The following TBC1D25 variants were observed in gnomAD, a reference collection of about 807,000 sequenced individuals.
TBC1D25 encodes TBC1 domain family member 25, also known as 5SN3 snoRNA.
Under a neutral mutation model 38.8 loss-of-function variants are expected in TBC1D25, and 13 were observed. That is an observed-to-expected ratio of 0.34 (90% CI 0.22 to 0.53). TBC1D25 has a LOEUF of 0.53. Ranked by LOEUF, TBC1D25 falls within the 20% of genes least tolerant of loss-of-function variation. The probability of loss-of-function intolerance (pLI) is 0.94; values close to 1 mark genes in which losing one functional copy is unlikely to be tolerated. For missense variants in TBC1D25, 372 were observed against 600.0 expected, an observed-to-expected ratio of 0.62 and a Z score of 3.97; for synonymous variants, 225 against 255.6, an observed-to-expected ratio of 0.88 and a Z score of 1.14.
At chrX:48,544,410 C>T (rs2061866866) in intron 2 of TBC1D25, among the ~76,000 whole-genome samples, 1 of 108,503 alleles carries the variant, frequency 9.2e-6, no homozygotes, top group African/African-American at 3.4e-5. Flanking sequence ...CTCCACCTCC[C>T]AGGTTCAAGC....
chrX:48,547,815 G>A (rs901930189), intron 3 of TBC1D25, among the ~76,000 whole-genome samples: 1 of 108,922 alleles, frequency 9.2e-6, no homozygotes, highest in African/African-American at 3.3e-5. Flanking sequence ...GTAGGCGCCT[G>A]TAATCCCAGC....
At chrX:48,540,188 G>T (rs1286745945) in intron 1 of TBC1D25, among the ~76,000 whole-genome samples, 2 of 110,094 alleles carry the variant, frequency 1.8e-5, no homozygotes, top group Non-Finnish European at 3.8e-5. Context: ...AAGGGGAGGG[G>T]CTATGGGGCT....
intron 3 of TBC1D25, among the ~76,000 whole-genome samples, chrX:48,554,473 T>C (rs2061960596): frequency 9.7e-6 from 1 of 103,127 alleles, no homozygotes; most frequent in Non-Finnish European, 2.0e-5. Flanking sequence ...GGCAGGAGAA[T>C]GGCTTGAACC....
At chrX:48,546,627 G>T (rs1279762093) in intron 3 of TBC1D25, among the ~76,000 whole-genome samples, 1 of 112,184 alleles carries the variant, frequency 8.9e-6, no homozygotes, top group Non-Finnish European at 1.9e-5. Flanking sequence ...GATCACATTG[G>T]TAATTAAATT....
chrX:48,549,836 C>T (rs1403131593), intron 3 of TBC1D25, among the ~76,000 whole-genome samples: 2 of 111,991 alleles, frequency 1.8e-5, no homozygotes, highest in African/African-American at 6.5e-5. Flanking sequence ...TGTTCCCCAT[C>T]CATAAGCTTA....
In TBC1D25 at chrX:48,560,149, T is replaced by G; in HGVS notation, c.1241T>G (p.Leu414Arg). 1 of 1,209,110 alleles carries G rather than the reference T, an allele frequency of 8.3e-7. No individual in the cohort carries two copies. Among genetic ancestry groups the G allele is most frequent in the Non-Finnish European group, 1.1e-6 (1 of 894,197 alleles). ...FFCYRWLLLE[L>R]KREFAFDDAL... is the part of the protein sequence containing the mutation. Reference sequence around the variant, plus strand: ...TGTTACCGCTGGCTGCTGCTGGAACTCAAGCGTGAGTTCGCCTTCGACGAT... The same window carrying G: ...TGTTACCGCTGGCTGCTGCTGGAACGCAAGCGTGAGTTCGCCTTCGACGAT... Residue 414 changes from leucine (L) to arginine (R), a missense_variant, in exon 6 of 6, where the codon CTC (leucine) becomes CGC (arginine). This residue lies in a region of TBC1D25 where 312 missense variants were observed against 549.3 expected (regional missense o/e 0.57). Transcript: ENST00000376771.
intron 3 of TBC1D25, among the ~76,000 whole-genome samples, chrX:48,555,784 CAT>C (rs782469147): frequency 2.8e-4 from 31 of 109,717 alleles, no homozygotes; most frequent in East Asian, 1.2e-3. Context: ...AGTAGGGAAA[CAT>C]GTGAGCAAAG....
chrX:48,548,657 A>G (rs1358798605), intron 3 of TBC1D25, among the ~76,000 whole-genome samples: 2 of 111,620 alleles, frequency 1.8e-5, no homozygotes, highest in East Asian at 5.6e-4. Context: ...TGGGAACGCT[A>G]TGCCTAATCT....
intron 3 of TBC1D25, among the ~76,000 whole-genome samples, chrX:48,547,498 C>T (rs1488353940): frequency 6.3e-5 from 7 of 111,791 alleles, no homozygotes; most frequent in Non-Finnish European, 1.3e-4. Context: ...CACAGTAGCA[C>T]TATTTCAGGA....
At chrX:48,551,408 A>C (rs782421602) in intron 3 of TBC1D25, among the ~76,000 whole-genome samples, 8 of 110,232 alleles carry the variant, frequency 7.3e-5, no homozygotes, top group Non-Finnish European at 1.5e-4. Flanking sequence ...GCTCACTGCA[A>C]CCTCTGCCTC....
chrX:48,546,731 GAC>G (rs2061890004), intron 3 of TBC1D25, among the ~76,000 whole-genome samples: 2 of 111,483 alleles, frequency 1.8e-5, no homozygotes, highest in Admixed American at 1.9e-4. Context: ...TCTTGGGAAA[GAC>G]ACAGTTAAGT....
At chrX:48,544,127 G>T (rs1405794498) in intron 2 of TBC1D25, among the ~76,000 whole-genome samples, 1 of 111,688 alleles carries the variant, frequency 9.0e-6, no homozygotes, top group African/African-American at 3.3e-5. Context: ...CCATGGTTAT[G>T]ATGAGCATCA....
At chrX:48,551,769 C>A (rs1170100598) in intron 3 of TBC1D25, among the ~76,000 whole-genome samples, 4 of 109,434 alleles carry the variant, frequency 3.7e-5, no homozygotes, top group Admixed American at 2.0e-4. Context: ...GGATTACAGG[C>A]ACCTGCCACC....
chrX:48,542,165 ATT>A (rs1389559717), intron 2 of TBC1D25, among the ~76,000 whole-genome samples: 16 of 75,480 alleles, frequency 2.1e-4, no homozygotes, highest in African/African-American at 5.1e-4. Context: ...TGCCCGGATA[ATT>A]TTTTTTTTTT....
intron 3 of TBC1D25, 43 bp downstream of exon 3, chrX:48,545,066 T>C (rs781999876): frequency 5.8e-6 from 7 of 1,198,289 alleles, no homozygotes; most frequent in Non-Finnish European, 7.9e-6. Context: ...TGGAACCCCT[T>C]TACCCCATAG....
At chrX:48,543,878 C>T (rs1484040666) in intron 2 of TBC1D25, among the ~76,000 whole-genome samples, 6 of 75,979 alleles carry the variant, frequency 7.9e-5, no homozygotes, top group African/African-American at 1.3e-4. Context: ...AGTGAGACTC[C>T]GTCTCAAAAA....
chrX:48,556,767 AAGC>A (rs1282403267), intron 3 of TBC1D25, among the ~76,000 whole-genome samples: 1 of 97,441 alleles, frequency 1.0e-5, no homozygotes, highest in Non-Finnish European at 2.0e-5. Flanking sequence ...AAAAAAAAAA[AAGC>A]CAGCCACTGG....
chrX:48,541,265 C>T (rs782085963), intron 1 of TBC1D25, 68 bp from the exon 2 acceptor site: 3 of 997,990 alleles, frequency 3.0e-6, no homozygotes, highest in Non-Finnish European at 4.3e-6. Context: ...CCTTCTACCA[C>T]TCTGCACCTC....
intron 3 of TBC1D25, among the ~76,000 whole-genome samples, chrX:48,551,556 G>A (rs181646729): frequency 2.7e-5 from 3 of 110,298 alleles, no homozygotes; most frequent in Admixed American, 2.0e-4. Flanking sequence ...TCGATCTCTT[G>A]ACCTTGTGAT....
Sources: gnomAD v4.1 joint callset for allele counts (sites outside exome capture counted in the v4.1 genomes callset) on GRCh38, gnomAD v4.1.1 for gene constraint, gnomAD v4.1.1 regional missense constraint, MANE v1.5 for transcripts, NCBI Gene and HGNC (gene_info 2026-07-23, HGNC 2026-07-21) for gene names.